ASMT: variants seen among roughly 807,000 people sequenced by gnomAD.
The protein encoded by ASMT is acetylserotonin N-methyltransferase.
Under a neutral mutation model 41.3 loss-of-function variants are expected in ASMT, and 53 were observed. The observed-to-expected ratio is 1.28, with a 90% CI of 1.03 to 1.61. The LOEUF is 1.61. Among genes scored for constraint, ASMT ranks in the 40% most tolerant of loss-of-function variants. The pLI, the probability that ASMT is intolerant of heterozygous loss-of-function variation, is 0.00. For missense variants in ASMT, 531 were observed against 441.3 expected (o/e 1.20, Z -1.82); for synonymous variants, 231 against 184.8 (o/e 1.25, Z -2.03).
At chrX:1,623,068 A>C in intron 1 of ASMT, 71 bp from the exon 2 acceptor site, 2 of 1,467,136 alleles carry the variant, frequency 1.4e-6, no homozygotes, top group Non-Finnish European at 1.9e-6. Flanking sequence ...CTGCCATGGT[A>C]TGGGGTGTTT....
intron 3 of ASMT, 138 bp downstream of exon 3, chrX:1,624,536 C>A (rs1240449989): frequency 4.4e-6 from 6 of 1,377,308 alleles, no homozygotes; most frequent in African/African-American, 3.4e-5. Context: ...GGGGCTGACC[C>A]CAGGCAGATG....
intron 1 of ASMT, among the ~76,000 whole-genome samples, chrX:1,622,463 GTAT>G (rs1452508330): frequency 6.6e-6 from 1 of 151,188 alleles, no homozygotes; most frequent in African/African-American, 2.4e-5. Flanking sequence ...GCTAATTTTT[GTAT>G]TTTTAGTAGA....
At chrX:1,625,887 G>A (rs1232624694) in intron 3 of ASMT, among the ~76,000 whole-genome samples, 47 of 148,874 alleles carry the variant, frequency 3.2e-4, no homozygotes, top group South Asian at 8.7e-4. Flanking sequence ...CCCGGGAGGC[G>A]GAGGTTGCAG....
At chrX:1,634,362 C>A (rs1223535019) in intron 7 of ASMT, among the ~76,000 whole-genome samples, 1 of 152,202 alleles carries the variant, frequency 6.6e-6, no homozygotes, top group Non-Finnish European at 1.5e-5. Context: ...CACTGCCAGC[C>A]TGGAGAGCCT....
rs752048500 is a variant in ASMT at position 1,619,393 on chromosome X, C to CAA, written c.70-3730_70-3729dup. Among the ~76,000 whole-genome samples, 673 of 84,478 alleles carry CAA rather than the reference C, an allele frequency of 8.0e-3. 4 individuals are homozygous for CAA. Among genetic ancestry groups the CAA allele is most frequent in the African/African-American group, 0.021 (551 of 26,782 alleles). The allele number at this position is 84,478 out of a possible 152,430, so 55.4% of individuals were successfully genotyped here. A position where few individuals can be genotyped will look rare whatever the true frequency, so the allele number is the denominator to read the frequency against. ...TTGGGGGCAGAGCGGGACCCTGTCT[C>CAA]AAAAAAAAAAAAAAAAAGTGGGGGC... is the stretch of plus-strand genomic sequence containing the variant. On this transcript the variant is annotated intron_variant, in intron 1 of 8. Transcript: ENST00000381241.
rs201971065 is a variant in ASMT, at chrX:1,633,209, G to A, written c.706G>A (p.Val236Ile). The A allele has an allele frequency of 3.0e-5, 48 of 1,613,826 alleles. No homozygotes were observed. Among genetic ancestry groups the A allele is most frequent in the African/African-American group, 9.3e-5 (7 of 75,002 alleles). The change falls in exon 7 of 9, where the codon GTT becomes ATT. Residue 236 changes from valine to isoleucine, a missense_variant. By Grantham distance (29) the Val-to-Ile change is conservative. Coordinates refer to ENST00000381241, the MANE Select transcript of ASMT (RefSeq NM_001171038.2). Reference protein sequence around the residue: ...MSLYPGCKITVFDIPEVVWTA... With the variant: ...MSLYPGCKITIFDIPEVVWTA... ...TCTGTACCCTGGATGTAAGATCACC[G>A]TTTTTGACATCCCAGAAGTGGTGTG...
intron 1 of ASMT, among the ~76,000 whole-genome samples, chrX:1,619,741 C>T (rs1482628076): frequency 1.3e-5 from 2 of 151,468 alleles, no homozygotes; most frequent in African/African-American, 2.4e-5. Flanking sequence ...TTGAGACAAC[C>T]CCAAAAGGAA....
chrX:1,615,600 C>T (rs113872575), intron 1 of ASMT, among the ~76,000 whole-genome samples: 14,339 of 151,746 alleles, frequency 0.094, 900 homozygotes, highest in Middle Eastern at 0.16. Flanking sequence ...GTCGGGAGTT[C>T]GAGACCAGCC....
intron 3 of ASMT, 128 bp from the exon 4 acceptor site, chrX:1,627,575 C>A: frequency 1.0e-6 from 1 of 960,660 alleles, no homozygotes; most frequent in Non-Finnish European, 1.7e-6. Flanking sequence ...GAGCCGAGAT[C>A]GTGCCATTGC....
intron 3 of ASMT, among the ~76,000 whole-genome samples, chrX:1,625,950 A>G (rs865882448): frequency 2.2e-3 from 191 of 87,432 alleles, no homozygotes; most frequent in Middle Eastern, 6.3e-3. Context: ...GCGAGACTCC[A>G]TCTCAAAAAA....
Position 1,643,021 on chromosome X carries a change from C to T in ASMT, c.*7C>T. On this transcript the variant is annotated 3_prime_UTR_variant, in exon 9 of 9. Coordinates refer to ENST00000381241, the MANE Select transcript of ASMT (RefSeq NM_001171038.2). ...CATTTTAGCCAGGAAATAACTGTTTCTTGTGACCTGGAACTAACGTCAAAG... is the reference window on the plus strand; with the variant it reads ...CATTTTAGCCAGGAAATAACTGTTTTTTGTGACCTGGAACTAACGTCAAAG... The T allele has an allele frequency of 6.2e-7, 1 of 1,613,732 alleles. No homozygotes were observed.
intron 7 of ASMT, among the ~76,000 whole-genome samples, chrX:1,635,056 G>A (rs774551941): frequency 6.9e-6 from 1 of 143,966 alleles, no homozygotes; most frequent in Non-Finnish European, 1.5e-5. Flanking sequence ...CTCACTGCAA[G>A]CTCCACCTCC....
At chrX:1,624,187 G>A (rs1934438443) in intron 2 of ASMT, 82 bp from the exon 3 acceptor site, 5 of 1,542,890 alleles carry the variant, frequency 3.2e-6, no homozygotes, top group South Asian at 1.1e-5. Context: ...TTGAAATCAC[G>A]ATGTTGTCGA....
intron 1 of ASMT, 102 bp downstream of exon 1, chrX:1,615,370 TAGG>T: frequency 8.6e-7 from 1 of 1,168,438 alleles, no homozygotes. Context: ...TCCATCATTT[TAGG>T]AGGTTTATTT....
chrX:1,640,519 G>A (rs1422797577), intron 8 of ASMT, among the ~76,000 whole-genome samples: 1 of 59,560 alleles, frequency 1.7e-5, no homozygotes, highest in Non-Finnish European at 2.8e-5. Context: ...ATGAGGACGT[G>A]GGCACAGCCT....
At chrX:1,616,732 A>T (rs777678602) in intron 1 of ASMT, among the ~76,000 whole-genome samples, 2 of 144,676 alleles carry the variant, frequency 1.4e-5, no homozygotes, top group African/African-American at 5.4e-5. Context: ...TTTTTGAGAC[A>T]GAGTCTCGCT....
At chrX:1,634,869 C>T (rs1279732145) in intron 7 of ASMT, among the ~76,000 whole-genome samples, 3 of 151,934 alleles carry the variant, frequency 2.0e-5, no homozygotes, top group African/African-American at 7.3e-5. Context: ...GTTTCACTAT[C>T]TCGGCCAGGC....
intron 7 of ASMT, 96 bp downstream of exon 7, chrX:1,633,386 T>G: frequency 6.7e-7 from 1 of 1,499,498 alleles, no homozygotes; most frequent in Non-Finnish European, 9.3e-7. Context: ...GATGTGGTTT[T>G]CCTCTCACTC....
chrX:1,636,606 C>T lies in ASMT; in HGVS notation c.910+46C>T, dbSNP rs1419038336. ...TTCAGCGTGTGCTTGTGACACGGGG[C>T]AGAATTGTACGAGTCACATTTAGAA... On this transcript the variant is annotated intron_variant, in intron 8 of 8. Transcript: ENST00000381241. 7.4e-6 allele frequency: 12 copies of T among 1,613,162 alleles called. No individual in the cohort carries two copies. The Admixed American group carries it at 1.2e-4, about 16-fold the overall frequency.
Sources: allele counts gnomAD v4.1 joint callset (sites outside exome capture counted in the v4.1 genomes callset), GRCh38; gene constraint gnomAD v4.1.1; transcripts MANE v1.5; gene names NCBI Gene and HGNC (gene_info 2026-07-23, HGNC 2026-07-21).